The following DERL1 variants were observed in gnomAD, a reference collection of about 807,000 sequenced individuals.
DERL1 encodes derlin 1, also known as derlin-1.
In DERL1, 24 loss-of-function variants were observed where a neutral mutation model predicts 41.6. The ratio of observed to expected loss-of-function variants is 0.58; its 90% CI spans 0.42 to 0.81. The LOEUF is 0.81. Ranked by LOEUF, DERL1 falls within the 30% of genes least tolerant of loss-of-function variation. DERL1 has a pLI of 0.00. For synonymous variants in DERL1, 124 were observed against 112.5 expected, an observed-to-expected ratio of 1.10 and a Z score of -0.65; for missense variants, 260 against 314.3, an observed-to-expected ratio of 0.83 and a Z score of 1.31.
At position 123,015,593 on chromosome 8, in the gene DERL1, A is replaced by G; in HGVS notation, c.618-8T>C. 1 of 1,606,386 alleles carries G rather than the reference A, an allele frequency of 6.2e-7. No individual in the cohort carries two copies. The highest frequency in any genetic ancestry group is 8.5e-7 in the Non-Finnish European group (1 of 1,176,148). On this transcript the variant is annotated splice_polypyrimidine_tract_variant and splice_region_variant and intron_variant, in intron 7 of 7. Transcript: ENST00000259512. ...CTGGGCAGCCAGCGGTACCTGGTGCAGAAAGACGGGGACACAAACGGAGAG... is the reference window on the plus strand; with the variant it reads ...CTGGGCAGCCAGCGGTACCTGGTGCGGAAAGACGGGGACACAAACGGAGAG...
intron 2 of DERL1, among the ~76,000 whole-genome samples, chr8:123,028,754 A>T (rs1159941059): frequency 6.6e-6 from 1 of 152,170 alleles, no homozygotes; most frequent in East Asian, 1.9e-4. Context: ...TATTGATATA[A>T]CGTTTACTAT....
chr8:123,016,671 T>C (rs1197906609), intron 7 of DERL1: 1 of 152,192 alleles, frequency 6.6e-6, no homozygotes, highest in East Asian at 1.9e-4. Context: ...GCTTCGAAAG[T>C]GACAGGATTC....
intron 2 of DERL1, chr8:123,025,815 T>A (rs13271447): frequency 0.45 from 68,586 of 151,802 alleles, 17,351 homozygotes; most frequent in South Asian, 0.57. Flanking sequence ...AGAGTTAAAG[T>A]CACATGACCA....
chr8:123,041,902 C>T (rs984816338), intron 1 of DERL1, 68 bp downstream of exon 1: 1 of 1,487,544 alleles, frequency 6.7e-7, no homozygotes, highest in South Asian at 1.3e-5. Flanking sequence ...AACATGCCAG[C>T]CTACGCTTAG....
chr8:123,030,997 T>C (rs1009706597), intron 1 of DERL1, among the ~76,000 whole-genome samples: 3 of 152,224 alleles, frequency 2.0e-5, no homozygotes, highest in Non-Finnish European at 4.4e-5. Flanking sequence ...GGTTAGTCTT[T>C]GCTGAGATCA....
In DERL1 at chr8:123,019,375, A is replaced by G. The variant is rs538676842; in HGVS notation, c.507-70T>C. The G allele has an allele frequency of 7.1e-6, 8 of 1,122,252 alleles. No homozygotes were observed. The African/African-American group carries it at 9.3e-5, about 13-fold the overall frequency. The allele number at this position is 1,122,252 out of a possible 1,614,324, so 69.5% of individuals were successfully genotyped here. ...GATGCACCAAGTTTTAACTAATAGCATAAGGAAGAGAGCCTTCAAGGCAGC... is the reference window on the plus strand; with the variant it reads ...GATGCACCAAGTTTTAACTAATAGCGTAAGGAAGAGAGCCTTCAAGGCAGC... On this transcript the variant is annotated intron_variant, in intron 6 of 7. Coordinates refer to ENST00000259512, the MANE Select transcript of DERL1 (RefSeq NM_024295.6).
chr8:123,031,947 T>A (rs1462894848), intron 1 of DERL1, among the ~76,000 whole-genome samples: 1 of 152,198 alleles, frequency 6.6e-6, no homozygotes, highest in Non-Finnish European at 1.5e-5. Context: ...ACAAAAATGT[T>A]TGCTCAATTT....
chr8:123,022,811 C>T, intron 4 of DERL1, 32 bp from the exon 5 acceptor site: 2 of 1,593,466 alleles, frequency 1.3e-6, no homozygotes, highest in South Asian at 1.1e-5. Context: ...AAAAACCAGG[C>T]TCCAGAGGCA....
At chr8:123,038,177 G>A (rs1812967784) in intron 1 of DERL1, among the ~76,000 whole-genome samples, 1 of 152,158 alleles carries the variant, frequency 6.6e-6, no homozygotes, top group Non-Finnish European at 1.5e-5. Flanking sequence ...CTTCCAACAT[G>A]AGCACACAAT....
At chr8:123,029,374 C>T (rs1812772254) in intron 2 of DERL1, among the ~76,000 whole-genome samples, 1 of 152,168 alleles carries the variant, frequency 6.6e-6, no homozygotes, top group African/African-American at 2.4e-5. Flanking sequence ...TGTATTAATA[C>T]AATTTCTTTC....
intron 6 of DERL1, 63 bp from the exon 7 acceptor site, chr8:123,019,368 T>C (rs569163715): frequency 5.5e-4 from 642 of 1,175,732 alleles, no homozygotes; most frequent in Non-Finnish European, 7.7e-4. Context: ...AAGTTTTAAC[T>C]AATAGCATAA....
chr8:123,028,346 T>C (rs918897483), intron 2 of DERL1, among the ~76,000 whole-genome samples: 4 of 152,106 alleles, frequency 2.6e-5, no homozygotes, highest in East Asian at 3.9e-4. Context: ...CTTAAAAACA[T>C]TGTGCAAAGT....
intron 2 of DERL1, chr8:123,030,188 G>C (rs146620082): frequency 6.5e-6 from 1 of 154,380 alleles, no homozygotes; most frequent in Admixed American, 6.5e-5. Flanking sequence ...ATAAATCTAG[G>C]CTTTTAATTA....
intron 3 of DERL1, 44 bp downstream of exon 3, chr8:123,024,942 A>T (rs1180046225): frequency 1.3e-6 from 2 of 1,596,704 alleles, no homozygotes. Context: ...AACCTGGAAA[A>T]AAACTGGTTT....
chr8:123,029,288 T>G (rs1271380868), intron 2 of DERL1, among the ~76,000 whole-genome samples: 1 of 152,184 alleles, frequency 6.6e-6, no homozygotes, highest in Admixed American at 6.5e-5. Context: ...GAATCTCCTA[T>G]TCATCTTTTG....
At chr8:123,034,507 G>A (rs983995486) in intron 1 of DERL1, among the ~76,000 whole-genome samples, 8 of 152,026 alleles carry the variant, frequency 5.3e-5, no homozygotes, top group South Asian at 4.1e-4. Context: ...TTATTTACAC[G>A]CACTGATTCA....
intron 2 of DERL1, 105 bp from the exon 3 acceptor site, chr8:123,025,155 A>C: frequency 1.7e-6 from 2 of 1,192,878 alleles, no homozygotes; most frequent in Non-Finnish European, 2.3e-6. Flanking sequence ...CAAAATGAGA[A>C]CATTTTAAAA....
In DERL1 at chr8:123,029,178, A is replaced by C. The variant is rs1269670085; in HGVS notation, c.265+1427T>G. Among the ~76,000 whole-genome samples the C allele has an allele frequency of 3.9e-5, 6 of 152,342 alleles. No homozygotes were observed. The East Asian group carries it at 9.6e-4, about 24-fold the overall frequency. ...GGGTCCAACTGGAACAAAGGAGAATAAAAATCACATATTCTGGTAGATTTA... is the reference window on the plus strand; with the variant it reads ...GGGTCCAACTGGAACAAAGGAGAATCAAAATCACATATTCTGGTAGATTTA... On this transcript the variant is annotated intron_variant, in intron 2 of 7. Coordinates refer to ENST00000259512, the MANE Select transcript of DERL1 (RefSeq NM_024295.6).
intron 1 of DERL1, among the ~76,000 whole-genome samples, chr8:123,040,771 A>T (rs1813040734): frequency 6.6e-6 from 1 of 152,220 alleles, no homozygotes; most frequent in Admixed American, 6.5e-5. Flanking sequence ...GGGTGTGAGA[A>T]AAACAAGAAA....
Sources: allele counts gnomAD v4.1 joint callset (sites outside exome capture counted in the v4.1 genomes callset), GRCh38; gene constraint gnomAD v4.1.1; transcripts MANE v1.5; gene names NCBI Gene and HGNC (gene_info 2026-07-23, HGNC 2026-07-21).